ZBTB38: variants seen among roughly 807,000 people sequenced by gnomAD.
ZBTB38 encodes zinc finger and BTB domain-containing protein 38.
A neutral mutation model predicts 76.8 loss-of-function variants in ZBTB38; 20 were observed. The observed-to-expected ratio is 0.26, with a 90% CI of 0.18 to 0.38. The LOEUF is 0.38. Among genes scored for constraint, ZBTB38 ranks in the 10% least tolerant of loss-of-function variants. ZBTB38 has a pLI of 1.00. For synonymous variants in ZBTB38, 504 were observed against 544.2 expected (o/e 0.93, Z 1.03); for missense variants, 1,082 against 1,482.3 (o/e 0.73, Z 4.43).
Position 141,444,457 on chromosome 3 carries a change from A to T in ZBTB38, c.2069A>T (p.Asp690Val), listed in dbSNP as rs1411034330. ...NAVSSDLRAG[D>V]VPVLSLSNSS... is the part of the protein sequence containing the mutation. The stretch of plus-strand genomic sequence containing the variant: ...GTCAGTTCTGACCTCCGGGCAGGGG[A>T]TGTACCTGTTTTATCTTTGAGTAAT... Residue 690 changes from aspartate to valine, a missense_variant, in exon 6 of 6, where the codon GAT becomes GTT. Asp to Val is a radical substitution (Grantham distance 152, BLOSUM62 -3). Transcript: ENST00000321464. This position sits in a 1 kb window ranked among gnomAD's most constrained non-coding sequence, Gnocchi z 5.1. The T allele has an allele frequency of 3.1e-6, 5 of 1,614,068 alleles. No individual in the cohort carries two copies. The highest frequency in any genetic ancestry group is 4.2e-6 in the Non-Finnish European group (5 of 1,180,032).
intron 5 of ZBTB38, among the ~76,000 whole-genome samples, chr3:141,439,006 C>G (rs1039537769): frequency 6.7e-6 from 1 of 150,324 alleles, no homozygotes; most frequent in Non-Finnish European, 1.5e-5. Context: ...CTTCTGCTTA[C>G]AGCATCCTTC....
At chr3:141,378,743 A>C (rs1403465474) in intron 2 of ZBTB38, among the ~76,000 whole-genome samples, 1 of 152,116 alleles carries the variant, frequency 6.6e-6, no homozygotes, top group Non-Finnish European at 1.5e-5. Context: ...TCTGCTTCTC[A>C]GAGACTGACA....
At position 141,342,691 on chromosome 3, in the gene ZBTB38, A is replaced by G. The variant is rs926609142; in HGVS notation, c.-739+18235A>G. On this transcript the variant is annotated intron_variant, in intron 1 of 7. Transcript: ENST00000509842. ...TCGTGCAAGAAGTTTAGCCCGAAAT[A>G]AAAAAACTAGAGAGGGCAATAAGGT... 3.3e-5 allele frequency among the ~76,000 whole-genome samples: 5 copies of G among 151,672 alleles called. No homozygotes were observed. In the South Asian group the frequency reaches 8.4e-4, roughly 25 times the overall value.
intron 2 of ZBTB38, among the ~76,000 whole-genome samples, chr3:141,379,083 G>A (rs1283826418): frequency 6.6e-6 from 1 of 152,132 alleles, no homozygotes; most frequent in Non-Finnish European, 1.5e-5. Context: ...CTGTCTCTGG[G>A]CCTTGTGCCA....
At chr3:141,335,295 A>C (rs1302076151) in intron 1 of ZBTB38, among the ~76,000 whole-genome samples, 1 of 152,248 alleles carries the variant, frequency 6.6e-6, no homozygotes, top group African/African-American at 2.4e-5. Flanking sequence ...TGTGTCTGAT[A>C]CAAAGTAATG....
rs372638612 is a variant in ZBTB38, at chr3:141,445,226, G to T, written c.2838G>T (p.Arg946Ser). ...ACTGGAGGAAGGAGCACGGAAACAGGAGCCCGAGCCATAAATGTAAATACC... is the reference window on the plus strand; with the variant it reads ...ACTGGAGGAAGGAGCACGGAAACAGTAGCCCGAGCCATAAATGTAAATACC... ...KVNWRKEHGN[R>S]SPSHKCKYPA... Residue 946 changes from arginine to serine, a missense_variant, in exon 6 of 6, where the codon AGG becomes AGT. Coordinates refer to ENST00000321464, the MANE Select transcript of ZBTB38 (RefSeq NM_001376113.1). The surrounding 1 kb of genome is among the most constrained non-coding windows in gnomAD (Gnocchi z 6.5). 5.8e-5 allele frequency: 93 copies of T among 1,613,900 alleles called. No homozygotes were observed. Among genetic ancestry groups the T allele is most frequent in the Admixed American group, 3.3e-4 (20 of 59,998 alleles).
chr3:141,418,594 G>A (rs2074627244), intron 5 of ZBTB38, among the ~76,000 whole-genome samples: 1 of 152,142 alleles, frequency 6.6e-6, no homozygotes, highest in South Asian at 2.1e-4. Context: ...GATTCAAAAA[G>A]GCCAAGGAGA....
At chr3:141,378,770 A>G (rs1294820189) in intron 2 of ZBTB38, among the ~76,000 whole-genome samples, 1 of 152,170 alleles carries the variant, frequency 6.6e-6, no homozygotes, top group Non-Finnish European at 1.5e-5. Context: ...CTCGGATGGA[A>G]TCAAAGCTCA....
intron 4 of ZBTB38, among the ~76,000 whole-genome samples, chr3:141,400,612 A>T (rs193139799): frequency 1.7e-3 from 254 of 152,336 alleles, no homozygotes; most frequent in African/African-American, 5.8e-3. Context: ...AGTAGCTATG[A>T]TTCTCACTGT....
chr3:141,332,000 G>A (rs1234345831), intron 1 of ZBTB38, among the ~76,000 whole-genome samples: 1 of 152,232 alleles, frequency 6.6e-6, no homozygotes, highest in Admixed American at 6.5e-5. Context: ...ACCCTTTGGG[G>A]AAGAGGGTCA....
At chr3:141,356,929 A>T (rs553627551) in intron 1 of ZBTB38, among the ~76,000 whole-genome samples, 1 of 152,364 alleles carries the variant, frequency 6.6e-6, no homozygotes, top group Admixed American at 6.5e-5. Flanking sequence ...TTCACTTGGG[A>T]ACTATAAATG....
chr3:141,428,843 A>G (rs1489521419), intron 5 of ZBTB38, among the ~76,000 whole-genome samples: 2 of 152,158 alleles, frequency 1.3e-5, no homozygotes, highest in Non-Finnish European at 2.9e-5. Context: ...TTAATATGCA[A>G]AGTGCTTTGC....
chr3:141,433,225 T>TTA (rs943489016), intron 5 of ZBTB38, among the ~76,000 whole-genome samples: 1 of 152,128 alleles, frequency 6.6e-6, no homozygotes, highest in African/African-American at 2.4e-5. Context: ...CCTTTTAGGC[T>TTA]TATATATATT....
At chr3:141,360,714 G>A (rs1252069929) in intron 1 of ZBTB38, among the ~76,000 whole-genome samples, 1 of 152,126 alleles carries the variant, frequency 6.6e-6, no homozygotes, top group Non-Finnish European at 1.5e-5. Context: ...TCGACTTACT[G>A]GACCAGATAG....
chr3:141,344,835 C>T (rs1303469635), intron 1 of ZBTB38, among the ~76,000 whole-genome samples: 1 of 152,244 alleles, frequency 6.6e-6, no homozygotes, highest in Non-Finnish European at 1.5e-5. Flanking sequence ...CCTCAAGGTC[C>T]ATAATCTTAA....
intron 5 of ZBTB38, among the ~76,000 whole-genome samples, chr3:141,410,859 C>T (rs1956383307): frequency 6.6e-6 from 1 of 152,138 alleles, no homozygotes; most frequent in South Asian, 2.1e-4. Flanking sequence ...CCAGCTTGCG[C>T]ACCCCTATTT....
chr3:141,360,868 G>A (rs941642313), intron 1 of ZBTB38, among the ~76,000 whole-genome samples: 3 of 152,142 alleles, frequency 2.0e-5, no homozygotes, highest in East Asian at 1.9e-4. Flanking sequence ...GGGGGCAAAC[G>A]CACCCCTGGT....
chr3:141,428,820 G>A (rs1217986635), intron 5 of ZBTB38, among the ~76,000 whole-genome samples: 2 of 152,244 alleles, frequency 1.3e-5, no homozygotes, highest in East Asian at 3.9e-4. Flanking sequence ...GATTGTGGAA[G>A]TGATTAAATT....
chr3:141,353,978 G>A (rs573185544), intron 1 of ZBTB38, among the ~76,000 whole-genome samples: 4 of 152,140 alleles, frequency 2.6e-5, no homozygotes, highest in Admixed American at 2.6e-4. Context: ...TCAACACTTG[G>A]GTATCTGGTC....
Sources: allele counts gnomAD v4.1 joint callset (sites outside exome capture counted in the v4.1 genomes callset), GRCh38; gene constraint gnomAD v4.1.1; non-coding constraint Gnocchi (gnomAD v3.1); transcripts MANE v1.5; gene names NCBI Gene and HGNC (gene_info 2026-07-23, HGNC 2026-07-21).